Variants in ATXN1 observed in about 807,000 individuals in gnomAD.
The protein encoded by ATXN1 is ataxin-1.
In ATXN1, 8 loss-of-function variants were observed where a neutral mutation model predicts 56.4. The ratio of observed to expected loss-of-function variants is 0.14; its 90% CI spans 0.08 to 0.26. ATXN1 has a LOEUF of 0.26. ATXN1 is among the 10% of genes least tolerant of loss of function. ATXN1 has a pLI of 1.00. For missense variants in ATXN1, 987 were observed against 1,106.5 expected (o/e 0.89, Z 1.53); for synonymous variants, 514 against 494.6 (o/e 1.04, Z -0.52).
At chr6:16,399,389 C>T (rs1426760671) in intron 6 of ATXN1, among the ~76,000 whole-genome samples, 3 of 152,186 alleles carry the variant, frequency 2.0e-5, no homozygotes, top group African/African-American at 7.2e-5. Context: ...TTAAAACTGT[C>T]AGCAAATAGG....
At chr6:16,758,790 T>C (rs932638837) in intron 1 of ATXN1, among the ~76,000 whole-genome samples, 2 of 152,198 alleles carry the variant, frequency 1.3e-5, no homozygotes, top group Non-Finnish European at 2.9e-5. Flanking sequence ...ACCTCTGCTT[T>C]ATGTAGAAGA....
rs556412700 is a variant in ATXN1, at chr6:16,715,831, A to T, written c.-615+37402T>A. Among the ~76,000 whole-genome samples the T allele has an allele frequency of 6.6e-5, 10 of 152,250 alleles. No individual in the cohort carries two copies. In the East Asian group the frequency reaches 1.4e-3, roughly 21 times the overall value. ...CCGTAAGTTTCCCAGTTTGGCTCCA[A>T]CTTACTTTTCCAACTAGATTTCCTG... On this transcript the variant is annotated intron_variant, in intron 2 of 7. Coordinates refer to ENST00000436367, the MANE Select transcript of ATXN1 (RefSeq NM_001128164.2).
At chr6:16,427,795 T>C (rs1420946565) in intron 6 of ATXN1, among the ~76,000 whole-genome samples, 4 of 152,186 alleles carry the variant, frequency 2.6e-5, no homozygotes, top group Non-Finnish European at 5.9e-5. Context: ...GTCTGCTGTG[T>C]GCACCCAAAA....
At chr6:16,411,143 AAAGAAAAG>A (rs1758791522) in intron 6 of ATXN1, among the ~76,000 whole-genome samples, 1 of 143,482 alleles carries the variant, frequency 7.0e-6, no homozygotes, top group African/African-American at 2.5e-5. Flanking sequence ...AAAAAAAAAA[AAAGAAAAG>A]AAAAGAAAAG....
intron 3 of ATXN1, among the ~76,000 whole-genome samples, chr6:16,644,028 T>C (rs528871390): frequency 1.3e-5 from 2 of 152,212 alleles, no homozygotes; most frequent in Non-Finnish European, 2.9e-5. Flanking sequence ...TATGATTCCA[T>C]GTGGTCCCTA....
At chr6:16,355,577 TTTGAGACGGAG>T (rs1331186294) in intron 6 of ATXN1, among the ~76,000 whole-genome samples, 1 of 151,956 alleles carries the variant, frequency 6.6e-6, no homozygotes, top group East Asian at 1.9e-4. Flanking sequence ...TTTTTTCTTT[TTTGAGACGGAG>T]TCTCGCTCTG....
chr6:16,372,942 C>T (rs202135738), intron 6 of ATXN1, among the ~76,000 whole-genome samples: 13,465 of 36,150 alleles, frequency 0.37, 1,986 homozygotes, highest in African/African-American at 0.54. Flanking sequence ...AATAAACAAA[C>T]AAACAAACAA....
rs766385772 is a variant in ATXN1 at position 16,377,684 on chromosome 6, G to A, written c.-160-49214C>T. ...TCTGTACGCCTGTGTGCACAGGAGC[G>A]GGTGGTGTGAGGTGGCTGCTGACAG... is the stretch of plus-strand genomic sequence containing the variant. On this transcript the variant is annotated intron_variant, in intron 6 of 7. Transcript: ENST00000436367. Among the ~76,000 whole-genome samples, 29 of 152,108 alleles carry A rather than the reference G, an allele frequency of 1.9e-4. 1 individual carries two copies. Among genetic ancestry groups the A allele is most frequent in the Non-Finnish European group, 3.7e-4 (25 of 67,998 alleles).
chr6:16,531,610 C>T (rs926965332), intron 4 of ATXN1, among the ~76,000 whole-genome samples: 8 of 138,926 alleles, frequency 5.8e-5, no homozygotes, highest in South Asian at 2.3e-4. Context: ...GAAACAAGAG[C>T]GAAACTGTGT....
At chr6:16,753,046 T>C (rs1366313437) in intron 2 of ATXN1, 187 bp downstream of exon 2, 3 of 351,108 alleles carry the variant, frequency 8.5e-6, no homozygotes, top group East Asian at 1.5e-4. Context: ...AATAGATAGA[T>C]ACTTTAATCG....
intron 2 of ATXN1, among the ~76,000 whole-genome samples, chr6:16,742,113 T>C (rs1039917285): frequency 1.3e-4 from 20 of 152,350 alleles, no homozygotes; most frequent in African/African-American, 4.3e-4. Flanking sequence ...GGCATTTTTT[T>C]CTTCTGTCAA....
chr6:16,415,097 G>A (rs1355619838), intron 6 of ATXN1, among the ~76,000 whole-genome samples: 2 of 151,846 alleles, frequency 1.3e-5, no homozygotes, highest in African/African-American at 4.8e-5. Flanking sequence ...TGTGTTCTTG[G>A]GCAAATTATC....
intron 7 of ATXN1, among the ~76,000 whole-genome samples, chr6:16,323,075 T>A (rs1364018634): frequency 6.6e-6 from 1 of 152,182 alleles, no homozygotes; most frequent in Non-Finnish European, 1.5e-5. Flanking sequence ...TGGCTGTCAG[T>A]AGAGAGATTT....
At chr6:16,552,728 G>A (rs144682252) in intron 4 of ATXN1, among the ~76,000 whole-genome samples, 10 of 152,306 alleles carry the variant, frequency 6.6e-5, no homozygotes, top group East Asian at 1.9e-4. Context: ...CTTGACTGGC[G>A]GAGCTGGCCA....
intron 6 of ATXN1, among the ~76,000 whole-genome samples, chr6:16,395,888 G>A (rs1015885961): frequency 6.6e-6 from 1 of 151,870 alleles, no homozygotes; most frequent in Non-Finnish European, 1.5e-5. Flanking sequence ...AGTGGCACGT[G>A]CCTGTAATCT....
chr6:16,351,873 T>G (rs1761576616), intron 6 of ATXN1, among the ~76,000 whole-genome samples: 1 of 152,226 alleles, frequency 6.6e-6, no homozygotes, highest in Admixed American at 6.5e-5. Flanking sequence ...TCCTGGTCTT[T>G]CACAGCATTT....
In ATXN1 at chr6:16,409,652, CA is replaced by C. The variant is rs542201666; in HGVS notation, c.-161+76319del. On this transcript the variant is annotated intron_variant, in intron 6 of 7. Coordinates refer to ENST00000436367, the MANE Select transcript of ATXN1 (RefSeq NM_001128164.2). ...TGGGCAATAGAGTAAGACTAGGTCT[CA>C]AAAAAAAAAAAAAAAAAGAACTCGA... Among the ~76,000 whole-genome samples, 275 of 106,084 alleles carry C rather than the reference CA, an allele frequency of 2.6e-3. 1 individual carries two copies. The highest frequency in any genetic ancestry group is 5.4e-3 in the East Asian group (11 of 2,024). The allele number at this position is 106,084 out of a possible 152,430, so 69.6% of individuals were successfully genotyped here.
intron 3 of ATXN1, among the ~76,000 whole-genome samples, chr6:16,639,361 G>A (rs1287577029): frequency 6.6e-6 from 1 of 152,132 alleles, no homozygotes; most frequent in Non-Finnish European, 1.5e-5. Context: ...AAACCTATCG[G>A]AAGGAACCAA....
chr6:16,549,082 A>G (rs1003706237), intron 4 of ATXN1, among the ~76,000 whole-genome samples: 1 of 152,058 alleles, frequency 6.6e-6, no homozygotes, highest in South Asian at 2.1e-4. Flanking sequence ...TGGACCTGTC[A>G]TCTCCTATGA....
Sources: gnomAD v4.1 joint callset for allele counts (sites outside exome capture counted in the v4.1 genomes callset) on GRCh38, gnomAD v4.1.1 for gene constraint, MANE v1.5 for transcripts, NCBI Gene and HGNC (gene_info 2026-07-23, HGNC 2026-07-21) for gene names.